The following ME2 variants were observed in gnomAD, a reference collection of about 807,000 sequenced individuals.
The protein encoded by ME2 is NAD-dependent malic enzyme, mitochondrial.
In ME2, 60 loss-of-function variants were observed where a neutral mutation model predicts 73.7. The ratio of observed to expected loss-of-function variants is 0.81; its 90% CI spans 0.66 to 1.01. The LOEUF (loss-of-function observed/expected upper bound fraction) is 1.01. ME2 is among the 50% of genes least tolerant of loss of function. ME2 has a pLI of 0.00. For synonymous variants in ME2, 199 were observed against 236.9 expected, an observed-to-expected ratio of 0.84 and a Z score of 1.47; for missense variants, 594 against 705.5, an observed-to-expected ratio of 0.84 and a Z score of 1.79.
chr18:50,920,856 T>C, intron 9 of ME2, 98 bp downstream of exon 9: 1 of 932,844 alleles, frequency 1.1e-6, no homozygotes, highest in Non-Finnish European at 1.6e-6. Flanking sequence ...ATAGTGAGCC[T>C]GTAATTTTGT....
At chr18:50,895,321 A>G (rs1485119187) in intron 1 of ME2, among the ~76,000 whole-genome samples, 1 of 152,230 alleles carries the variant, frequency 6.6e-6, no homozygotes, top group Non-Finnish European at 1.5e-5. Flanking sequence ...TCTAAGACAA[A>G]AAATTCTAGT....
chr18:50,882,610 A>C (rs1470895009), intron 1 of ME2, among the ~76,000 whole-genome samples: 18 of 152,134 alleles, frequency 1.2e-4, no homozygotes, highest in Admixed American at 1.2e-3. Context: ...CAGACGTAAG[A>C]TCTCCAACTT....
chr18:50,917,290 C>A, intron 5 of ME2, 57 bp from the exon 6 acceptor site: 4 of 1,393,162 alleles, frequency 2.9e-6, no homozygotes, highest in South Asian at 1.3e-5. Flanking sequence ...TTAAAAAATG[C>A]TTTTCTTTAG....
chr18:50,898,058 AG>A (rs1916793487), intron 2 of ME2, among the ~76,000 whole-genome samples: 1 of 152,212 alleles, frequency 6.6e-6, no homozygotes, highest in Non-Finnish European at 1.5e-5. Context: ...TAGACTCCTC[AG>A]GAACTTACCA....
intron 1 of ME2, among the ~76,000 whole-genome samples, chr18:50,892,772 G>A (rs1473486154): frequency 6.6e-6 from 1 of 152,006 alleles, no homozygotes; most frequent in Non-Finnish European, 1.5e-5. Context: ...AAATAATGCT[G>A]CTTTTTTATT....
chr18:50,887,851 A>G (rs1916509721), intron 1 of ME2, among the ~76,000 whole-genome samples: 1 of 152,230 alleles, frequency 6.6e-6, no homozygotes, highest in Non-Finnish European at 1.5e-5. Flanking sequence ...ATATCCAGGC[A>G]CTAAAGACAT....
intron 11 of ME2, 25 bp from the exon 12 acceptor site, chr18:50,925,730 CT>C (rs1917534965): frequency 6.2e-7 from 1 of 1,607,770 alleles, no homozygotes; most frequent in Admixed American, 1.7e-5. Context: ...AATGAAGTTG[CT>C]GTTTTTCCCC....
At position 50,951,473 on chromosome 18, in the gene ME2, T is replaced by G. The variant is rs981071996; in HGVS notation, c.*4289T>G. Reference sequence around the variant, plus strand: ...ACTTTTTCATACCTTTTTTTTGGTTTGTTTGTTTCTGCTAGCTTTATGACA... The same window carrying G: ...ACTTTTTCATACCTTTTTTTTGGTTGGTTTGTTTCTGCTAGCTTTATGACA... On this transcript the variant is annotated 3_prime_UTR_variant, in exon 16 of 16. Coordinates refer to ENST00000321341, the MANE Select transcript of ME2 (RefSeq NM_002396.5). 5 of 152,226 alleles carry G rather than the reference T, an allele frequency of 3.3e-5. No individual in the cohort carries two copies. The highest frequency in any genetic ancestry group is 3.9e-4 in the East Asian group (2 of 5,178). The allele number at this position is 152,226 out of a possible 1,614,324, so 9.4% of individuals were successfully genotyped here. A position where few individuals can be genotyped will look rare whatever the true frequency, so the allele number is the denominator to read the frequency against.
Position 50,947,053 on chromosome 18 carries a change from C to T in ME2, c.1624C>T (p.Arg542Ter), listed in dbSNP as rs769206685. The change falls in exon 16 of 16, where the codon CGA becomes TGA. Residue 542 changes from arginine to a stop codon, truncating the protein, a stop_gained. Coordinates refer to ENST00000321341, the MANE Select transcript of ME2 (RefSeq NM_002396.5). LOFTEE classifies it high-confidence loss of function. ...CCTATATGCTAATAAAATGGCTTTC[C>T]GATACCCAGAACCTGAAGACAAGGC... Reference protein sequence around the residue: ...EYLYANKMAFRYPEPEDKAKY... With the variant: ...EYLYANKMAF The T allele has an allele frequency of 6.2e-6, 10 of 1,613,500 alleles. No homozygotes were observed. The East Asian group carries it at 6.7e-5, about 11-fold the overall frequency.
chr18:50,916,102 A>T lies in ME2; in HGVS notation c.393-66A>T, dbSNP rs1257875992. On this transcript the variant is annotated intron_variant, in intron 4 of 15. Coordinates refer to ENST00000321341, the MANE Select transcript of ME2 (RefSeq NM_002396.5). ...TTTTATTAAAATATCAAAATATTTC[A>T]ATTATGAACAAAAACTTAGAAACAA... 1.3e-5 allele frequency: 14 copies of T among 1,076,326 alleles called. No individual in the cohort carries two copies. The Admixed American group carries it at 2.9e-4, about 22-fold the overall frequency. The allele number at this position is 1,076,326 out of a possible 1,614,324, so 66.7% of individuals were successfully genotyped here. A position where few individuals can be genotyped will look rare whatever the true frequency, so the allele number is the denominator to read the frequency against.
In ME2 at chr18:50,916,416, C is replaced by T. The variant is rs571715120; in HGVS notation, c.468+173C>T. Reference sequence around the variant, plus strand: ...ATAATAGTAGTAGTTATAAAATGGGCTACTGGTATAAAGTTTGACTCTGAG... The same window carrying T: ...ATAATAGTAGTAGTTATAAAATGGGTTACTGGTATAAAGTTTGACTCTGAG... On this transcript the variant is annotated intron_variant, in intron 5 of 15. Transcript: ENST00000321341. 3.5e-5 allele frequency: 17 copies of T among 489,416 alleles called. No homozygotes were observed. The East Asian group carries it at 5.1e-4, about 15-fold the overall frequency. 30.3% of individuals were successfully genotyped at this position (489,416 alleles called of 1,614,324 possible).
At chr18:50,921,426 T>A (rs1426976003) in intron 10 of ME2, among the ~76,000 whole-genome samples, 2 of 152,180 alleles carry the variant, frequency 1.3e-5, no homozygotes, top group Non-Finnish European at 2.9e-5. Flanking sequence ...TGCTTTGTTG[T>A]CTTGCTCTTA....
intron 1 of ME2, among the ~76,000 whole-genome samples, chr18:50,894,650 C>G (rs1254148740): frequency 1.3e-5 from 2 of 151,022 alleles, no homozygotes; most frequent in South Asian, 2.1e-4. Context: ...GCAGGCAGAT[C>G]ACAAGGTCAG....
At chr18:50,897,072 T>TA (rs1339183197) in intron 2 of ME2, among the ~76,000 whole-genome samples, 1 of 152,202 alleles carries the variant, frequency 6.6e-6, no homozygotes, top group African/African-American at 2.4e-5. Flanking sequence ...TGAAACCCCA[T>TA]AGCAGTTTCT....
At chr18:50,883,027 CACAA>C (rs1360824067) in intron 1 of ME2, among the ~76,000 whole-genome samples, 2 of 152,152 alleles carry the variant, frequency 1.3e-5, no homozygotes, top group African/African-American at 4.8e-5. Flanking sequence ...TTTTTACCAC[CACAA>C]AGGTAGGAAG....
intron 2 of ME2, among the ~76,000 whole-genome samples, chr18:50,902,807 A>G (rs1568163029): frequency 6.6e-6 from 1 of 152,226 alleles, no homozygotes; most frequent in Admixed American, 6.5e-5. Flanking sequence ...TATACTATAA[A>G]TATATCTCTA....
chr18:50,927,043 G>A (rs978196605), intron 12 of ME2, among the ~76,000 whole-genome samples: 10 of 152,010 alleles, frequency 6.6e-5, no homozygotes, highest in African/African-American at 2.2e-4. Flanking sequence ...ATTTACATCC[G>A]AACTGTTTAA....
At chr18:50,921,417 G>A (rs1917425881) in intron 10 of ME2, among the ~76,000 whole-genome samples, 1 of 151,978 alleles carries the variant, frequency 6.6e-6, no homozygotes, top group South Asian at 2.1e-4. Flanking sequence ...ACTCTTTCTT[G>A]CTTTGTTGTC....
In ME2 at chr18:50,895,888, A is replaced by T. The variant is rs999525412; in HGVS notation, c.68A>T (p.Glu23Val). The change falls in exon 2 of 16, where the codon GAA becomes GTA. Residue 23 changes from glutamate (E) to valine (V), a missense_variant. Physicochemically the swap from Glu to Val is moderately radical, Grantham distance 121. Coordinates refer to ENST00000321341, the MANE Select transcript of ME2 (RefSeq NM_002396.5). ...GCATGTCGACATTTGCACATAAAAG[A>T]AAAAGGCAAGCCACTTATGCTGAAC... ...TLACRHLHIK[E>V]KGKPLMLNPR... 6.2e-7 allele frequency: 1 copy of T among 1,613,766 alleles called. No individual in the cohort carries two copies. Among genetic ancestry groups the T allele is most frequent in the East Asian group, 2.2e-5 (1 of 44,872 alleles).
Sources: allele counts gnomAD v4.1 joint callset (sites outside exome capture counted in the v4.1 genomes callset), GRCh38; gene constraint gnomAD v4.1.1; transcripts MANE v1.5; gene names NCBI Gene and HGNC (gene_info 2026-07-23, HGNC 2026-07-21).